The following TMPRSS15 variants were observed in gnomAD, a reference collection of about 807,000 sequenced individuals.
TMPRSS15 encodes transmembrane serine protease 15, also known as enteropeptidase.
Under a neutral mutation model 125.3 loss-of-function variants are expected in TMPRSS15, and 128 were observed. The observed-to-expected ratio is 1.02, with a 90% CI of 0.89 to 1.18. TMPRSS15 has a LOEUF of 1.18. Ranked by LOEUF, TMPRSS15 falls within the 50% of genes most tolerant of loss-of-function variation. The pLI, the probability that TMPRSS15 is intolerant of heterozygous loss-of-function variation, is 0.00. For synonymous variants in TMPRSS15, 446 were observed against 423.2 expected (o/e 1.05, Z -0.66); for missense variants, 1,283 against 1,212.7 (o/e 1.06, Z -0.86).
chr21:18,455,116 C>T (rs1416191407), intron 1 of TMPRSS15, among the ~76,000 whole-genome samples: 1 of 152,054 alleles, frequency 6.6e-6, no homozygotes, highest in Non-Finnish European at 1.5e-5. Context: ...TTCCTTCCTT[C>T]ACTCCTGCCA....
At chr21:18,292,869 A>C (rs1005945201) in intron 21 of TMPRSS15, among the ~76,000 whole-genome samples, 6 of 152,204 alleles carry the variant, frequency 3.9e-5, no homozygotes, top group Non-Finnish European at 8.8e-5. Flanking sequence ...TATAGTATGA[A>C]AATAAATTAC....
chr21:18,403,260 C>T (rs996567215), intron 1 of TMPRSS15, among the ~76,000 whole-genome samples: 12 of 152,110 alleles, frequency 7.9e-5, no homozygotes, highest in African/African-American at 2.9e-4. Context: ...AAATTACATA[C>T]CAATTAATTT....
rs146436477 is a variant in TMPRSS15 at position 18,354,897 on chromosome 21, T to A, written c.881-1034A>T. Among the ~76,000 whole-genome samples, 894 of 151,966 alleles carry A rather than the reference T, an allele frequency of 5.9e-3. 13 individuals are homozygous for A. Among genetic ancestry groups the A allele is most frequent in the African/African-American group, 0.02 (836 of 41,520 alleles). On this transcript the variant is annotated intron_variant, in intron 8 of 24. Coordinates refer to ENST00000284885, the MANE Select transcript of TMPRSS15 (RefSeq NM_002772.3). The stretch of plus-strand genomic sequence containing the variant: ...TGAAATAACAGTGAGTTATTTAACA[T>A]TGAGTTCTGAAAAGAGATACTTTTA...
intron 1 of TMPRSS15, among the ~76,000 whole-genome samples, chr21:18,440,242 G>C (rs867954373): frequency 2.7e-5 from 4 of 150,776 alleles, no homozygotes; most frequent in Admixed American, 6.6e-5. Flanking sequence ...GCATGGTGGC[G>C]CGCGCCTGTA....
intron 1 of TMPRSS15, among the ~76,000 whole-genome samples, chr21:18,399,214 G>C (rs544718598): frequency 7.1e-4 from 108 of 152,108 alleles, no homozygotes; most frequent in African/African-American, 2.5e-3. Flanking sequence ...TTGGAGTTTA[G>C]AACGATTAAG....
chr21:18,451,511 A>C (rs1363318142), intron 1 of TMPRSS15, among the ~76,000 whole-genome samples: 1 of 152,178 alleles, frequency 6.6e-6, no homozygotes, highest in Non-Finnish European at 1.5e-5. Flanking sequence ...AGGAGGGATA[A>C]ATCTTGGTTT....
chr21:18,444,492 G>T (rs1035144615), intron 1 of TMPRSS15, among the ~76,000 whole-genome samples: 14 of 152,104 alleles, frequency 9.2e-5, no homozygotes, highest in African/African-American at 3.4e-4. Flanking sequence ...GGGGGATGGG[G>T]GTGCTGGGGG....
rs185480812 is a variant in TMPRSS15, at chr21:18,398,026, T to A, written c.277-80A>T. On this transcript the variant is annotated intron_variant, in intron 2 of 24. Transcript: ENST00000284885. ...GTTGAAAAATTTATACAAAGCAATC[T>A]TTATGTTCTGCTTAGAGTTGGGGCA... is the stretch of plus-strand genomic sequence containing the variant. The A allele has an allele frequency of 1.3e-5, 16 of 1,239,864 alleles. No homozygotes were observed. The African/African-American group carries it at 2.0e-4, about 15-fold the overall frequency. 76.8% of individuals were successfully genotyped at this position (1,239,864 alleles called of 1,614,324 possible). A position where few individuals can be genotyped will look rare whatever the true frequency, so the allele number is the denominator to read the frequency against.
At chr21:18,272,702 G>A (rs1402537508) in intron 24 of TMPRSS15, among the ~76,000 whole-genome samples, 1 of 151,928 alleles carries the variant, frequency 6.6e-6, no homozygotes, top group African/African-American at 2.4e-5. Flanking sequence ...TCCAGCCTGG[G>A]CAATAAGAGC....
chr21:18,409,782 C>T (rs1477439602), intron 1 of TMPRSS15, among the ~76,000 whole-genome samples: 1 of 151,694 alleles, frequency 6.6e-6, no homozygotes, highest in Non-Finnish European at 1.5e-5. Flanking sequence ...CTTCCAAAAT[C>T]AGTTTTTGGA....
rs757123514 is a variant in TMPRSS15, at chr21:18,281,235, TGAA to T, written c.2487-17_2487-15del. ...TCTAAGTTTCTCCTGAAAATTGTAATGAAGAAATATGAGACACTCTCCATCCAA... is the reference window on the plus strand; with the variant it reads ...TCTAAGTTTCTCCTGAAAATTGTAATGAAATATGAGACACTCTCCATCCAA... On this transcript the variant is annotated splice_polypyrimidine_tract_variant and intron_variant, in intron 21 of 24. Coordinates refer to ENST00000284885, the MANE Select transcript of TMPRSS15 (RefSeq NM_002772.3). The T allele has an allele frequency of 3.3e-5, 53 of 1,611,196 alleles. No homozygotes were observed. In the Middle Eastern group the frequency reaches 1.2e-3, roughly 35 times the overall value.
At chr21:18,285,293 G>A (rs1374953943) in intron 21 of TMPRSS15, among the ~76,000 whole-genome samples, 1 of 152,138 alleles carries the variant, frequency 6.6e-6, no homozygotes, top group Non-Finnish European at 1.5e-5. Context: ...CACCACTCTA[G>A]GCATCAGGAT....
At chr21:18,482,579 TTAGTTTTCTCC>T (rs1263819702) in intron 1 of TMPRSS15, among the ~76,000 whole-genome samples, 2 of 151,610 alleles carry the variant, frequency 1.3e-5, no homozygotes, top group African/African-American at 4.8e-5. Context: ...ACCAATAAAA[TTAGTTTTCTCC>T]TAATTTTATT....
Position 18,294,592 on chromosome 21 carries a change from T to C in TMPRSS15, c.2311+11A>G, listed in dbSNP as rs748068936. On this transcript the variant is annotated intron_variant, in intron 20 of 24. Transcript: ENST00000284885. Reference sequence around the variant, plus strand: ...ATGCTTGAAGTGGGATATGACAACATATTTACTTACATTTATGGTTACACT... The same window carrying C: ...ATGCTTGAAGTGGGATATGACAACACATTTACTTACATTTATGGTTACACT... 1.2e-6 allele frequency: 2 copies of C among 1,610,224 alleles called. No homozygotes were observed. Among genetic ancestry groups the C allele is most frequent in the East Asian group, 4.5e-5 (2 of 44,858 alleles).
At chr21:18,294,783 G>T in intron 19 of TMPRSS15, 131 bp from the exon 20 acceptor site, 1 of 794,750 alleles carries the variant, frequency 1.3e-6, no homozygotes, top group Non-Finnish European at 2.1e-6. Context: ...AATGTAGGGA[G>T]ACTGAATTGT....
At chr21:18,477,771 A>G (rs1168131372) in intron 1 of TMPRSS15, 2 of 152,086 alleles carry the variant, frequency 1.3e-5, no homozygotes, top group African/African-American at 4.8e-5. Context: ...ATTATATACT[A>G]TATGTTGTTC....
At chr21:18,467,034 A>T (rs540094774) in intron 1 of TMPRSS15, among the ~76,000 whole-genome samples, 1 of 152,340 alleles carries the variant, frequency 6.6e-6, no homozygotes, top group Non-Finnish European at 1.5e-5. Flanking sequence ...GATAGACTGG[A>T]TAAAGAAAAT....
At chr21:18,286,134 T>C (rs1352943046) in intron 21 of TMPRSS15, among the ~76,000 whole-genome samples, 1 of 152,160 alleles carries the variant, frequency 6.6e-6, no homozygotes, top group African/African-American at 2.4e-5. Flanking sequence ...ACTTCCAGGA[T>C]TCACCATGCA....
chr21:18,300,185 T>G (rs962768387), intron 18 of TMPRSS15, among the ~76,000 whole-genome samples: 3 of 142,142 alleles, frequency 2.1e-5, no homozygotes, highest in African/African-American at 8.1e-5. Context: ...GATACATTCC[T>G]TTTTCTTTCT....
Sources: allele counts gnomAD v4.1 joint callset (sites outside exome capture counted in the v4.1 genomes callset), GRCh38; gene constraint gnomAD v4.1.1; transcripts MANE v1.5; gene names NCBI Gene and HGNC (gene_info 2026-07-23, HGNC 2026-07-21).